The following PLCXD3 variants were observed in gnomAD, a reference collection of about 807,000 sequenced individuals.
PLCXD3 encodes the protein PI-PLC X domain-containing protein 3.
PLCXD3 carries 19 observed loss-of-function variants against 25.5 expected under a neutral mutation model. The observed-to-expected ratio is 0.75, with a 90% CI of 0.52 to 1.09. The LOEUF (loss-of-function observed/expected upper bound fraction) is 1.09, where lower values mean the gene tolerates loss of function less well. PLCXD3 is among the 50% of genes least tolerant of loss of function. PLCXD3 has a pLI of 0.00. For synonymous variants in PLCXD3, 174 were observed against 137.6 expected, an observed-to-expected ratio of 1.26 and a Z score of -1.85; for missense variants, 411 against 388.1, an observed-to-expected ratio of 1.06 and a Z score of -0.50.
At chr5:41,462,265 T>C (rs1747894734) in intron 1 of PLCXD3, among the ~76,000 whole-genome samples, 1 of 152,004 alleles carries the variant, frequency 6.6e-6, no homozygotes, top group Non-Finnish European at 1.5e-5. Context: ...TTTACACTTA[T>C]CAGATTGCCA....
At chr5:41,324,445 T>TA (rs1743563085) in intron 2 of PLCXD3, among the ~76,000 whole-genome samples, 1 of 152,218 alleles carries the variant, frequency 6.6e-6, no homozygotes, top group Non-Finnish European at 1.5e-5. Flanking sequence ...CAGACCCAGA[T>TA]AGAGGAGGAC....
intron 1 of PLCXD3, among the ~76,000 whole-genome samples, chr5:41,398,001 A>G (rs1746062622): frequency 6.6e-6 from 1 of 152,152 alleles, no homozygotes; most frequent in Non-Finnish European, 1.5e-5. Flanking sequence ...TCATTGATGG[A>G]AGGGATTTAC....
intron 2 of PLCXD3, among the ~76,000 whole-genome samples, chr5:41,364,667 A>G (rs1478600711): frequency 6.6e-6 from 1 of 152,196 alleles, no homozygotes; most frequent in Non-Finnish European, 1.5e-5. Flanking sequence ...CCAAGTTGCT[A>G]TAAAATTGTC....
chr5:41,356,044 C>T (rs1561243404), intron 2 of PLCXD3, among the ~76,000 whole-genome samples: 3 of 151,984 alleles, frequency 2.0e-5, no homozygotes, highest in Admixed American at 6.6e-5. Context: ...GTGTGTGGAT[C>T]GCCTGAGGTC....
chr5:41,442,667 T>C (rs1747410041), intron 1 of PLCXD3, among the ~76,000 whole-genome samples: 2 of 152,182 alleles, frequency 1.3e-5, no homozygotes, highest in African/African-American at 2.4e-5. Context: ...AGGTTAAAAA[T>C]TGTGTTGTGA....
At chr5:41,426,701 T>G (rs947181706) in intron 1 of PLCXD3, among the ~76,000 whole-genome samples, 1 of 152,124 alleles carries the variant, frequency 6.6e-6, no homozygotes, top group African/African-American at 2.4e-5. Context: ...AGCTTTACAG[T>G]TCATATTCAT....
intron 2 of PLCXD3, among the ~76,000 whole-genome samples, chr5:41,320,492 G>T (rs1181807550): frequency 6.6e-6 from 1 of 152,042 alleles, no homozygotes; most frequent in Admixed American, 6.6e-5. Context: ...TAATGTTTTG[G>T]TTTTTTAATT....
intron 1 of PLCXD3, among the ~76,000 whole-genome samples, chr5:41,424,269 C>T (rs1038789383): frequency 9.9e-5 from 15 of 152,026 alleles, no homozygotes; most frequent in East Asian, 3.9e-4. Context: ...TCTGGCTGGG[C>T]GCGGTGGCTC....
rs528021324 is a variant in PLCXD3 at position 41,467,401 on chromosome 5, T to C, written c.103+43023A>G. ...CTTTGTCCATTTTTTAAAGTGGTTA[T>C]TTGTTTTCTTGCTATTGAGTTGTTT... On this transcript the variant is annotated intron_variant, in intron 1 of 2. Coordinates refer to ENST00000377801, the MANE Select transcript of PLCXD3 (RefSeq NM_001005473.3). Among the ~76,000 whole-genome samples the C allele has an allele frequency of 1.3e-4, 20 of 152,274 alleles. No homozygotes were observed. In the South Asian group the frequency reaches 4.1e-3, roughly 32 times the overall value.
intron 1 of PLCXD3, among the ~76,000 whole-genome samples, chr5:41,386,565 TA>T (rs1259774563): frequency 6.6e-6 from 1 of 152,068 alleles, no homozygotes; most frequent in Admixed American, 6.6e-5. Context: ...ATGAGACTTT[TA>T]AAAATATGTA....
chr5:41,410,251 T>A (rs942662430), intron 1 of PLCXD3, among the ~76,000 whole-genome samples: 3 of 151,350 alleles, frequency 2.0e-5, no homozygotes, highest in Non-Finnish European at 4.4e-5. Flanking sequence ...GCAATTCTCC[T>A]GCCTCAGCCT....
intron 1 of PLCXD3, among the ~76,000 whole-genome samples, chr5:41,476,195 C>T (rs1374057411): frequency 2.0e-5 from 3 of 152,210 alleles, no homozygotes; most frequent in African/African-American, 4.8e-5. Flanking sequence ...TACATTATCT[C>T]ATTTGATTCT....
intron 2 of PLCXD3, among the ~76,000 whole-genome samples, chr5:41,364,458 C>A (rs9784743): frequency 0.022 from 3,406 of 152,204 alleles, 146 homozygotes; most frequent in African/African-American, 0.078. Flanking sequence ...GCCTTAGATT[C>A]CTTCACCAAA....
At position 41,418,150 on chromosome 5, in the gene PLCXD3, G is replaced by A. The variant is rs571803223; in HGVS notation, c.104-35616C>T. Among the ~76,000 whole-genome samples the A allele has an allele frequency of 2.0e-4, 30 of 152,226 alleles. No individual in the cohort carries two copies. In the South Asian group the frequency reaches 6.2e-3, roughly 32 times the overall value. On this transcript the variant is annotated intron_variant, in intron 1 of 2. Transcript: ENST00000377801. ...TATGTGGCAGTGCAGTGATCTAGAA[G>A]CCAATGCAGTGTGTGTGGCATATAT... is the stretch of plus-strand genomic sequence containing the variant.
chr5:41,351,671 G>A (rs183449097), intron 2 of PLCXD3, among the ~76,000 whole-genome samples: 4 of 152,154 alleles, frequency 2.6e-5, no homozygotes, highest in Non-Finnish European at 5.9e-5. Flanking sequence ...GATTAAGATC[G>A]CTTCCAGTTC....
chr5:41,369,483 G>A (rs1471968891), intron 2 of PLCXD3, among the ~76,000 whole-genome samples: 1 of 151,910 alleles, frequency 6.6e-6, no homozygotes, highest in South Asian at 2.1e-4. Flanking sequence ...TCTTTTTTTG[G>A]TTGGTTGTTT....
intron 1 of PLCXD3, among the ~76,000 whole-genome samples, chr5:41,496,630 A>G: frequency 6.9e-6 from 1 of 145,550 alleles, no homozygotes; most frequent in South Asian, 2.1e-4. Context: ...CCCAGACCAA[A>G]AAAAAAAAAA....
chr5:41,510,289 G>T, intron 1 of PLCXD3, 135 bp downstream of exon 1: 2 of 781,944 alleles, frequency 2.6e-6, no homozygotes, highest in Non-Finnish European at 4.1e-6. Flanking sequence ...CGCTCGCCTG[G>T]CCTGAGACCC....
intron 1 of PLCXD3, among the ~76,000 whole-genome samples, chr5:41,509,137 C>T (rs926665544): frequency 6.6e-6 from 1 of 152,154 alleles, no homozygotes; most frequent in Non-Finnish European, 1.5e-5. Flanking sequence ...TAGTGATTTT[C>T]AAAATAACCC....
Sources: gnomAD v4.1 joint callset for allele counts (sites outside exome capture counted in the v4.1 genomes callset) on GRCh38, gnomAD v4.1.1 for gene constraint, MANE v1.5 for transcripts, NCBI Gene and HGNC (gene_info 2026-07-23, HGNC 2026-07-21) for gene names.